Variants in HIPK2 observed in about 807,000 individuals in gnomAD.
HIPK2 encodes the protein homeodomain interacting protein kinase 2, also known as homeodomain-interacting protein kinase 2.
Under a neutral mutation model 113.7 loss-of-function variants are expected in HIPK2, and 27 were observed. The observed-to-expected ratio is 0.24, with a 90% CI of 0.17 to 0.33. The LOEUF (loss-of-function observed/expected upper bound fraction) is 0.33, where lower values mean the gene tolerates loss of function less well. Ranked by LOEUF, HIPK2 falls within the 10% of genes least tolerant of loss-of-function variation. The probability of loss-of-function intolerance (pLI) is 1.00; values close to 1 mark genes in which losing one functional copy is unlikely to be tolerated. For synonymous variants in HIPK2, 631 were observed against 642.2 expected (o/e 0.98, Z 0.26); for missense variants, 1,257 against 1,588.0 (o/e 0.79, Z 3.54).
At position 139,565,909 on chromosome 7, in the gene HIPK2, C is replaced by T. The variant is rs1001236549; in HGVS notation, c.*7018G>A. The T allele has an allele frequency of 3.3e-5, 5 of 151,928 alleles. No homozygotes were observed. The highest frequency in any genetic ancestry group is 1.2e-4 in the African/African-American group (5 of 41,336). The allele number at this position is 151,928 out of a possible 1,614,324, so 9.4% of individuals were successfully genotyped here. A position where few individuals can be genotyped will look rare whatever the true frequency, so the allele number is the denominator to read the frequency against. On this transcript the variant is annotated 3_prime_UTR_variant, in exon 15 of 15. Coordinates refer to ENST00000406875, the MANE Select transcript of HIPK2 (RefSeq NM_022740.5). ...AATAGCATTTTGAAAAAAATATATACCTTTAGTATTGCCTTTCTAGAATTA... is the reference window on the plus strand; with the variant it reads ...AATAGCATTTTGAAAAAAATATATATCTTTAGTATTGCCTTTCTAGAATTA...
At chr7:139,699,910 A>G (rs945386187) in intron 2 of HIPK2, among the ~76,000 whole-genome samples, 2 of 152,172 alleles carry the variant, frequency 1.3e-5, no homozygotes, top group Non-Finnish European at 2.9e-5. Context: ...GCTGCACACT[A>G]TGCCACCTTT....
intron 1 of HIPK2, among the ~76,000 whole-genome samples, chr7:139,731,925 G>C (rs1585433393): frequency 6.6e-6 from 1 of 152,186 alleles, no homozygotes; most frequent in Non-Finnish European, 1.5e-5. Flanking sequence ...ATCACTTCGG[G>C]AAAGGTACCA....
chr7:139,627,892 C>A lies in HIPK2; in HGVS notation c.1434+1061G>T, dbSNP rs558460829. Among the ~76,000 whole-genome samples the A allele has an allele frequency of 2.0e-5, 3 of 152,284 alleles. No individual in the cohort carries two copies. In the East Asian group the frequency reaches 5.8e-4, roughly 29 times the overall value. On this transcript the variant is annotated intron_variant, in intron 5 of 14. Coordinates refer to ENST00000406875, the MANE Select transcript of HIPK2 (RefSeq NM_022740.5). ...GACTGTGTAGCAGATTGAATTGTAT[C>A]CCTCTAAAAGATATATTAAAGTCCC...
chr7:139,626,885 C>G (rs931795193), intron 5 of HIPK2, 100 bp from the exon 6 acceptor site: 1 of 1,333,360 alleles, frequency 7.5e-7, no homozygotes. Flanking sequence ...CCTGATCTCT[C>G]AAGCCCCCTT....
At position 139,716,875 on chromosome 7, in the gene HIPK2, T is replaced by A. The variant is rs907544638; in HGVS notation, c.160A>T (p.Ser54Cys). ...GGCTGCGACAGGGGGATGTTCTTGC[T>A]CTGGCTATACACTTTGCTGTGGGAG... is the stretch of plus-strand genomic sequence containing the variant. The part of the protein sequence containing the change: ...YGSHSKVYSQ[S>C]KNIPLSQPAT... Residue 54 changes from serine to cysteine, a missense_variant, in exon 2 of 15, where the codon AGC becomes TGC. Around this residue, in one of 5 missense-constraint regions of HIPK2, gnomAD observed 209 missense variants for 237.8 expected, o/e 0.88. Transcript: ENST00000406875. This position sits in a 1 kb window ranked among gnomAD's most constrained non-coding sequence, Gnocchi z 9.3. 2.5e-6 allele frequency: 4 copies of A among 1,613,776 alleles called. No individual in the cohort carries two copies. The highest frequency in any genetic ancestry group is 3.4e-6 in the Non-Finnish European group (4 of 1,179,888).
chr7:139,699,103 C>T (rs1436141557), intron 2 of HIPK2, among the ~76,000 whole-genome samples: 2 of 152,034 alleles, frequency 1.3e-5, no homozygotes, highest in African/African-American at 2.4e-5. Context: ...GCGGCCCAGC[C>T]GGCTGCCGAC....
chr7:139,767,072 ACT>A (rs1370478770), intron 1 of HIPK2, among the ~76,000 whole-genome samples: 1 of 152,142 alleles, frequency 6.6e-6, no homozygotes, highest in Non-Finnish European at 1.5e-5. Flanking sequence ...CAGGTCCCTG[ACT>A]CTCTCACATC....
Position 139,613,159 on chromosome 7 carries a change from C to T in HIPK2, c.2112+43G>A. 2 of 1,609,532 alleles carry T rather than the reference C, an allele frequency of 1.2e-6. No homozygotes were observed. Among genetic ancestry groups the T allele is most frequent in the Non-Finnish European group, 1.7e-6 (2 of 1,177,438 alleles). On this transcript the variant is annotated intron_variant, in intron 9 of 14. Coordinates refer to ENST00000406875, the MANE Select transcript of HIPK2 (RefSeq NM_022740.5). This position sits in a 1 kb window ranked among gnomAD's most constrained non-coding sequence, Gnocchi z 4.2. The stretch of plus-strand genomic sequence containing the variant: ...ATATCTTTTGTGAACAACATTAACA[C>T]AGGTAATGGTAATACCAGTAATAAT...
chr7:139,575,848 C>T (rs1798473784), intron 13 of HIPK2, among the ~76,000 whole-genome samples: 1 of 152,056 alleles, frequency 6.6e-6, no homozygotes, highest in Non-Finnish European at 1.5e-5. Context: ...CAAGTCTGGC[C>T]CCCTCACCCT....
At chr7:139,673,756 G>T (rs1802388996) in intron 2 of HIPK2, among the ~76,000 whole-genome samples, 1 of 151,858 alleles carries the variant, frequency 6.6e-6, no homozygotes, top group Non-Finnish European at 1.5e-5. Flanking sequence ...TAAAAAATTT[G>T]CTGACTTTGG....
At chr7:139,695,526 T>C (rs1794536808) in intron 2 of HIPK2, among the ~76,000 whole-genome samples, 3 of 152,204 alleles carry the variant, frequency 2.0e-5, no homozygotes, top group Non-Finnish European at 4.4e-5. Context: ...AGTAGATATA[T>C]TTAAGCTTGA....
At chr7:139,702,111 C>T (rs1385759707) in intron 2 of HIPK2, among the ~76,000 whole-genome samples, 1 of 152,182 alleles carries the variant, frequency 6.6e-6, no homozygotes, top group African/African-American at 2.4e-5. Flanking sequence ...CCTCCCAGTG[C>T]TGCTCCAGAC....
rs1049894177 is a variant in HIPK2 at position 139,628,934 on chromosome 7, A to T, written c.1434+19T>A. Reference sequence around the variant, plus strand: ...TGGTTTTAAAGGGCTTACGTTGCATACTCACCCATGAAGCTTACCTGGGCC... The same window carrying T: ...TGGTTTTAAAGGGCTTACGTTGCATTCTCACCCATGAAGCTTACCTGGGCC... On this transcript the variant is annotated intron_variant, in intron 5 of 14. Transcript: ENST00000406875. 1.6e-5 allele frequency: 26 copies of T among 1,579,884 alleles called. No homozygotes were observed. Among genetic ancestry groups the T allele is most frequent in the African/African-American group, 2.7e-5 (2 of 74,440 alleles).
At chr7:139,777,544 A>G (rs1325162724) in intron 1 of HIPK2, 61 bp downstream of exon 1, 1 of 834,700 alleles carries the variant, frequency 1.2e-6, no homozygotes, top group Non-Finnish European at 1.5e-6. Flanking sequence ...CGGGCAGAAC[A>G]AAGCTGCGGG....
At chr7:139,702,833 G>A (rs1794752026) in intron 2 of HIPK2, among the ~76,000 whole-genome samples, 1 of 152,184 alleles carries the variant, frequency 6.6e-6, no homozygotes, top group Non-Finnish European at 1.5e-5. Flanking sequence ...ATAATAGTTT[G>A]TCACTTCTCT....
At chr7:139,728,049 C>T (rs956762973) in intron 1 of HIPK2, among the ~76,000 whole-genome samples, 1 of 151,178 alleles carries the variant, frequency 6.6e-6, no homozygotes, top group Admixed American at 6.6e-5. Context: ...AAGAGATCCT[C>T]CCACCTCAGT....
In HIPK2 at chr7:139,577,140, CTTTTTTTTTT is replaced by C. The variant is rs966966045; in HGVS notation, c.2966-1862_2966-1853del. 7.1e-3 allele frequency among the ~76,000 whole-genome samples: 648 copies of C among 91,490 alleles called. 4 individuals are homozygous for C. Among genetic ancestry groups the C allele is most frequent in the African/African-American group, 0.025 (596 of 23,384 alleles). 60.0% of individuals were successfully genotyped at this position (91,490 alleles called of 152,430 possible). A position where few individuals can be genotyped will look rare whatever the true frequency, so the allele number is the denominator to read the frequency against. On this transcript the variant is annotated intron_variant, in intron 13 of 14. Transcript: ENST00000406875. ...GACTAGTGAGAAGATACTGGGCTTC[CTTTTTTTTTT>C]TTTTTTTTTTTTTTTGAGATGGAGT...
chr7:139,693,251 A>G (rs1467358347), intron 2 of HIPK2, among the ~76,000 whole-genome samples: 2 of 152,272 alleles, frequency 1.3e-5, no homozygotes, highest in Non-Finnish European at 2.9e-5. Flanking sequence ...TTCCTTGCAT[A>G]TAACAGGCAC....
intron 2 of HIPK2, among the ~76,000 whole-genome samples, chr7:139,679,192 T>A (rs375636239): frequency 6.6e-6 from 1 of 152,164 alleles, no homozygotes; most frequent in East Asian, 1.9e-4. Flanking sequence ...GAACTTCCAA[T>A]ACTATGTTGA....
Sources: allele counts gnomAD v4.1 joint callset (sites outside exome capture counted in the v4.1 genomes callset), GRCh38; gene constraint gnomAD v4.1.1; regional missense constraint gnomAD v4.1.1; non-coding constraint Gnocchi (gnomAD v3.1); transcripts MANE v1.5; gene names NCBI Gene and HGNC (gene_info 2026-07-23, HGNC 2026-07-21).